SCN9A: variants seen among roughly 807,000 people sequenced by gnomAD.
The protein encoded by SCN9A is sodium channel protein type 9 subunit alpha.
SCN9A carries 131 observed loss-of-function variants against 187.0 expected under a neutral mutation model. The observed-to-expected ratio is 0.70, with a 90% CI of 0.61 to 0.81. The LOEUF is 0.81. Ranked by LOEUF, SCN9A falls within the 30% of genes least tolerant of loss-of-function variation. The probability of loss-of-function intolerance (pLI) is 0.00; values close to 1 mark genes in which losing one functional copy is unlikely to be tolerated. For missense variants in SCN9A, 2,252 were observed against 2,396.6 expected (o/e 0.94, Z 1.26); for synonymous variants, 809 against 808.6 (o/e 1.00, Z -0.01).
intron 17 of SCN9A, among the ~76,000 whole-genome samples, chr2:166,252,457 C>A (rs1374234385): frequency 6.6e-6 from 1 of 151,848 alleles, no homozygotes; most frequent in Non-Finnish European, 1.5e-5. Flanking sequence ...GATAGAAGTT[C>A]TTTGATCAAG....
intron 6 of SCN9A, among the ~76,000 whole-genome samples, chr2:166,303,876 C>T (rs1232106718): frequency 1.3e-5 from 2 of 152,118 alleles, no homozygotes; most frequent in African/African-American, 4.8e-5. Flanking sequence ...ATCCTAAAGA[C>T]CCATGCAATT....
chr2:166,307,760 G>A (rs1367001845), intron 2 of SCN9A, among the ~76,000 whole-genome samples: 2 of 152,138 alleles, frequency 1.3e-5, no homozygotes, highest in Admixed American at 6.5e-5. Flanking sequence ...TTCCATAAGT[G>A]TCCTTTTCCA....
Position 166,293,220 on chromosome 2 carries a change from T to C in SCN9A, c.1107+11A>G. The C allele has an allele frequency of 6.4e-7, 1 of 1,574,668 alleles. No individual in the cohort carries two copies. The highest frequency in any genetic ancestry group is 8.6e-7 in the Non-Finnish European group (1 of 1,157,860). ...TTCAAAAATACAATGCATGTTTCTC[T>C]TGGTACTCACCTGTTGGTAAAGGTT... On this transcript the variant is annotated intron_variant, in intron 9 of 26. Coordinates refer to ENST00000642356, the MANE Select transcript of SCN9A (RefSeq NM_001365536.1).
rs556706372 is a variant in SCN9A, at chr2:166,326,228, T to C, written c.-50-14422A>G. On this transcript the variant is annotated intron_variant, in intron 1 of 26. Transcript: ENST00000642356. ...ATAAAGCTGAAACATTCAAAGACAA[T>C]AAGAAGTACAATTTAGTCATTGAAT... 1.6e-3 allele frequency among the ~76,000 whole-genome samples: 241 copies of C among 152,200 alleles called. 1 individual carries two copies. The highest frequency in any genetic ancestry group is 5.7e-3 in the African/African-American group (236 of 41,540).
intron 22 of SCN9A, among the ~76,000 whole-genome samples, 168 bp from the exon 23 acceptor site, chr2:166,227,891 T>C (rs1001500982): frequency 5.9e-5 from 9 of 152,228 alleles, no homozygotes; most frequent in African/African-American, 1.2e-4. Flanking sequence ...AAGGACATAT[T>C]CCCAAGTAAC....
At position 166,229,237 on chromosome 2, in the gene SCN9A, A is replaced by G. The variant is rs145988322; in HGVS notation, c.3925-265T>C. ...CACACAATAAAATTGTTAGCAAAAT[A>G]TAAGACAAAATAACTAAGATAATAT... On this transcript the variant is annotated intron_variant, in intron 21 of 26. Transcript: ENST00000642356. 7.6e-3 allele frequency among the ~76,000 whole-genome samples: 1,160 copies of G among 152,314 alleles called. 14 individuals carry two copies. Among genetic ancestry groups the G allele is most frequent in the South Asian group, 0.053 (258 of 4,826 alleles).
At chr2:166,222,666 C>G (rs1057481146) in intron 24 of SCN9A, among the ~76,000 whole-genome samples, 2 of 144,386 alleles carry the variant, frequency 1.4e-5, no homozygotes, top group Non-Finnish European at 3.0e-5. Context: ...GGCGTGGTGG[C>G]TCACGCCTGT....
In SCN9A at chr2:166,286,262, TCTTA is replaced by T. The variant is rs113914877; in HGVS notation, c.1602+70_1602+73del. On this transcript the variant is annotated intron_variant, in intron 11 of 26. Transcript: ENST00000642356. ...TCACTCACTATCCTCTCCCGAGTTCTCTTACCCTAAAATAAGACATTTTTCTCTA... is the reference window on the plus strand; with the variant it reads ...TCACTCACTATCCTCTCCCGAGTTCTCCCTAAAATAAGACATTTTTCTCTA... 8,365 of 1,432,228 alleles carry T rather than the reference TCTTA, an allele frequency of 5.8e-3. 389 individuals carry two copies. In the African/African-American group the frequency reaches 0.1, roughly 18 times the overall value. The allele number at this position is 1,432,228 out of a possible 1,614,324, so 88.7% of individuals were successfully genotyped here. A position where few individuals can be genotyped will look rare whatever the true frequency, so the allele number is the denominator to read the frequency against.
chr2:166,293,880 T>C (rs1428947559), intron 8 of SCN9A, among the ~76,000 whole-genome samples: 1 of 152,198 alleles, frequency 6.6e-6, no homozygotes, highest in Non-Finnish European at 1.5e-5. Flanking sequence ...CTTTAAGACT[T>C]TTTTCTTTCT....
chr2:166,344,680 G>T (rs887376231), intron 1 of SCN9A, among the ~76,000 whole-genome samples: 3 of 152,134 alleles, frequency 2.0e-5, no homozygotes, highest in East Asian at 3.9e-4. Context: ...TTGTTTTGAA[G>T]CTCCTTTTAG....
chr2:166,350,398 A>C (rs11682860), intron 1 of SCN9A, among the ~76,000 whole-genome samples: 36,583 of 152,104 alleles, frequency 0.24, 5,136 homozygotes, highest in African/African-American at 0.39. Context: ...GTGCCTCAGA[A>C]ACACAAAACA....
At chr2:166,307,189 C>A in intron 2 of SCN9A, 115 bp from the exon 3 acceptor site, 1 of 603,284 alleles carries the variant, frequency 1.7e-6, no homozygotes, top group Non-Finnish European at 3.0e-6. Context: ...ACACTGCCAT[C>A]AGACTCCAGC....
chr2:166,275,583 CAA>C (rs67225403), intron 16 of SCN9A, among the ~76,000 whole-genome samples: 5 of 95,128 alleles, frequency 5.3e-5, no homozygotes, highest in Admixed American at 1.1e-4. Flanking sequence ...GATTCCATCT[CAA>C]AAAAAAAAAA....
chr2:166,238,864 G>A (rs1344960726), intron 19 of SCN9A, among the ~76,000 whole-genome samples: 1 of 152,134 alleles, frequency 6.6e-6, no homozygotes, highest in Non-Finnish European at 1.5e-5. Context: ...CAAAGCTTCA[G>A]CTCTAAAAAT....
chr2:166,307,754 A>G (rs1020454944), intron 2 of SCN9A, among the ~76,000 whole-genome samples: 1 of 152,224 alleles, frequency 6.6e-6, no homozygotes, highest in Non-Finnish European at 1.5e-5. Flanking sequence ...TAGCCATTCC[A>G]TAAGTGTCCT....
chr2:166,221,771 A>T (rs1397319862), intron 24 of SCN9A, among the ~76,000 whole-genome samples: 1 of 152,138 alleles, frequency 6.6e-6, no homozygotes, highest in Non-Finnish European at 1.5e-5. Flanking sequence ...CATAAAACAA[A>T]TATATAGGCC....
intron 12 of SCN9A, among the ~76,000 whole-genome samples, chr2:166,283,584 C>T (rs969684008): frequency 1.3e-5 from 2 of 152,156 alleles, no homozygotes; most frequent in African/African-American, 4.8e-5. Flanking sequence ...TCTCTAACCA[C>T]TTAGTGACTC....
intron 1 of SCN9A, among the ~76,000 whole-genome samples, chr2:166,354,313 T>C (rs1466529879): frequency 6.6e-6 from 1 of 152,114 alleles, no homozygotes; most frequent in Admixed American, 6.6e-5. Context: ...CGAAATACAA[T>C]TTAAAAACAA....
chr2:166,214,806 G>A (rs1694261429), intron 24 of SCN9A, among the ~76,000 whole-genome samples: 1 of 151,486 alleles, frequency 6.6e-6, no homozygotes, highest in Non-Finnish European at 1.5e-5. Flanking sequence ...GAGCCACCGC[G>A]CCCGGCCACA....
Sources: allele counts gnomAD v4.1 joint callset (sites outside exome capture counted in the v4.1 genomes callset), GRCh38; gene constraint gnomAD v4.1.1; transcripts MANE v1.5; gene names NCBI Gene and HGNC (gene_info 2026-07-23, HGNC 2026-07-21).